The following UXS1 variants were observed in gnomAD, a reference collection of about 807,000 sequenced individuals.
UXS1 encodes UDP-glucuronate decarboxylase 1, also known as UDP-glucuronic acid decarboxylase 1.
A neutral mutation model predicts 62.6 loss-of-function variants in UXS1; 33 were observed. The ratio of observed to expected loss-of-function variants is 0.53; its 90% CI spans 0.40 to 0.70. The LOEUF is 0.70. Among genes scored for constraint, UXS1 ranks in the 30% least tolerant of loss-of-function variants. The pLI, the probability that UXS1 is intolerant of heterozygous loss-of-function variation, is 0.00. For synonymous variants in UXS1, 213 were observed against 206.8 expected, an observed-to-expected ratio of 1.03 and a Z score of -0.26; for missense variants, 434 against 556.3, an observed-to-expected ratio of 0.78 and a Z score of 2.21.
intron 1 of UXS1, among the ~76,000 whole-genome samples, chr2:106,176,497 G>C (rs1237471474): frequency 6.6e-6 from 1 of 152,182 alleles, no homozygotes. Context: ...AGGGGGCTTC[G>C]CAGTTGCTAG....
rs1682591755 is a variant in UXS1, at chr2:106,158,119, CTGT to C, written c.231-4_231-2del. 6.4e-7 allele frequency: 1 copy of C among 1,559,394 alleles called. No individual in the cohort carries two copies. Among genetic ancestry groups the C allele is most frequent in the Non-Finnish European group, 8.7e-7 (1 of 1,150,090 alleles). Reference sequence around the variant, plus strand: ...TACTGGTGGGTATTTCTGGGTAAAGCTGTATAATATAAAGAGATTCAAAAGGAA... The same window carrying C: ...TACTGGTGGGTATTTCTGGGTAAAGCATAATATAAAGAGATTCAAAAGGAA... On this transcript the variant is annotated splice_acceptor_variant and splice_polypyrimidine_tract_variant and intron_variant, in intron 4 of 14. Coordinates refer to ENST00000283148, the MANE Select transcript of UXS1 (RefSeq NM_001253875.2). LOFTEE classifies it high-confidence loss of function.
At chr2:106,118,049 G>A (rs1679200448) in intron 9 of UXS1, among the ~76,000 whole-genome samples, 1 of 152,192 alleles carries the variant, frequency 6.6e-6, no homozygotes, top group Non-Finnish European at 1.5e-5. Context: ...GCCAGGAGGG[G>A]TGGATATCAC....
intron 6 of UXS1, among the ~76,000 whole-genome samples, chr2:106,139,852 C>CA (rs1488276552): frequency 6.6e-5 from 10 of 152,298 alleles, no homozygotes; most frequent in Non-Finnish European, 4.4e-5. Flanking sequence ...TGTGATAACT[C>CA]ACGCGATTAT....
At chr2:106,109,574 T>C (rs1678410159) in intron 10 of UXS1, among the ~76,000 whole-genome samples, 1 of 152,240 alleles carries the variant, frequency 6.6e-6, no homozygotes, top group African/African-American at 2.4e-5. Context: ...AACTGAACTG[T>C]GGACCAAAGC....
chr2:106,179,698 G>C (rs976589186), intron 1 of UXS1: 6 of 152,202 alleles, frequency 3.9e-5, no homozygotes, highest in Non-Finnish European at 8.8e-5. Context: ...TTTTCCACTA[G>C]AAGTCCCCAC....
At chr2:106,120,306 A>C (rs1679418791) in intron 9 of UXS1, among the ~76,000 whole-genome samples, 1 of 152,120 alleles carries the variant, frequency 6.6e-6, no homozygotes. Context: ...TTCCTTCCTC[A>C]TCAGGAAACT....
At chr2:106,194,037 A>C in intron 1 of UXS1, 111 bp downstream of exon 1, 29 of 697,132 alleles carry the variant, frequency 4.2e-5, no homozygotes, top group Admixed American at 4.8e-5. Context: ...CGGGGCGGGG[A>C]GCAACGCGGG....
At position 106,093,920 on chromosome 2, in the gene UXS1, C is replaced by G. The variant is rs1336370863; in HGVS notation, c.*106G>C. The G allele has an allele frequency of 6.5e-6, 9 of 1,390,324 alleles. No homozygotes were observed. The highest frequency in any genetic ancestry group is 8.5e-6 in the Non-Finnish European group (9 of 1,057,368). The allele number at this position is 1,390,324 out of a possible 1,614,324, so 86.1% of individuals were successfully genotyped here. On this transcript the variant is annotated 3_prime_UTR_variant, in exon 15 of 15. Transcript: ENST00000283148. ...CTTCAGAATGAAATTCCAGTTTGTT[C>G]TTCATGACACCTGTTAAAGTCTTTC...
intron 10 of UXS1, among the ~76,000 whole-genome samples, chr2:106,109,155 T>C (rs1678365093): frequency 6.6e-6 from 1 of 152,020 alleles, no homozygotes; most frequent in South Asian, 2.1e-4. Flanking sequence ...CTGTGCTGTA[T>C]TTGGAGTTGA....
At chr2:106,136,965 C>CAAAAAAAAAAAAAAAAAAAAAAAA (rs397701050) in intron 6 of UXS1, among the ~76,000 whole-genome samples, 1 of 54,160 alleles carries the variant, frequency 1.8e-5, no homozygotes. Flanking sequence ...AGAACACACA[C>CAAAAAAAAAAAAAAAAAAAAAAAA]AAAAAAAAAA....
At position 106,147,961 on chromosome 2, in the gene UXS1, G is replaced by T. The variant is rs563085547; in HGVS notation, c.292-2591C>A. 1.1e-4 allele frequency among the ~76,000 whole-genome samples: 17 copies of T among 152,268 alleles called. No individual in the cohort carries two copies. In the East Asian group the frequency reaches 3.3e-3, roughly 29 times the overall value. On this transcript the variant is annotated intron_variant, in intron 5 of 14. Transcript: ENST00000283148. ...CAAATCAAATGGTTAAGACAGGATG[G>T]GTGAGACCAGGCATCCTCATGCTCG...
At chr2:106,123,688 C>CT (rs550750061) in intron 8 of UXS1, among the ~76,000 whole-genome samples, 189 of 152,302 alleles carry the variant, frequency 1.2e-3, no homozygotes, top group African/African-American at 4.1e-3. Flanking sequence ...ATCAATCACA[C>CT]TTTAAGACAT....
intron 1 of UXS1, among the ~76,000 whole-genome samples, chr2:106,170,819 A>G (rs972942967): frequency 2.0e-5 from 3 of 152,270 alleles, no homozygotes; most frequent in Admixed American, 6.5e-5. Flanking sequence ...GTTAAACATT[A>G]CTTTAAATTA....
At chr2:106,188,930 C>A (rs1443714861) in intron 1 of UXS1, among the ~76,000 whole-genome samples, 1 of 152,010 alleles carries the variant, frequency 6.6e-6, no homozygotes, top group Non-Finnish European at 1.5e-5. Flanking sequence ...AAAAAGTTCA[C>A]AGAACAAAAA....
chr2:106,096,671 C>T lies in UXS1; in HGVS notation c.1146+47G>A, dbSNP rs1677136474. On this transcript the variant is annotated intron_variant, in intron 14 of 14. Coordinates refer to ENST00000283148, the MANE Select transcript of UXS1 (RefSeq NM_001253875.2). ...TGCCTACAGGACAGCAGACACAGGACACGGGAGGCCCCTCCCCACAAGGCA... is the reference window on the plus strand; with the variant it reads ...TGCCTACAGGACAGCAGACACAGGATACGGGAGGCCCCTCCCCACAAGGCA... The T allele has an allele frequency of 3.3e-6, 5 of 1,495,688 alleles. No homozygotes were observed. In the African/African-American group the frequency reaches 7.0e-5, roughly 21 times the overall value. The allele number at this position is 1,495,688 out of a possible 1,614,324, so 92.7% of individuals were successfully genotyped here.
chr2:106,191,643 C>CA (rs1483396772), intron 1 of UXS1, among the ~76,000 whole-genome samples: 2 of 152,208 alleles, frequency 1.3e-5, no homozygotes, highest in Admixed American at 1.3e-4. Flanking sequence ...ATTTTGTTTT[C>CA]ACACTCCAAC....
intron 13 of UXS1, among the ~76,000 whole-genome samples, chr2:106,098,430 A>G (rs1433386132): frequency 2.0e-5 from 3 of 152,234 alleles, no homozygotes; most frequent in Non-Finnish European, 4.4e-5. Context: ...GTTGTCACCC[A>G]TGTAGGATGA....
At chr2:106,102,376 G>A (rs1325528416) in intron 11 of UXS1, 2 of 152,168 alleles carry the variant, frequency 1.3e-5, no homozygotes, top group Admixed American at 6.5e-5. Context: ...GGGTTTATCT[G>A]AGTTGGAAGA....
At chr2:106,103,183 A>C (rs1677736458) in intron 11 of UXS1, among the ~76,000 whole-genome samples, 2 of 152,272 alleles carry the variant, frequency 1.3e-5, no homozygotes, top group Non-Finnish European at 2.9e-5. Context: ...GCATCACTGA[A>C]TGCTCAAAAT....
Sources: allele counts gnomAD v4.1 joint callset (sites outside exome capture counted in the v4.1 genomes callset), GRCh38; gene constraint gnomAD v4.1.1; transcripts MANE v1.5; gene names NCBI Gene and HGNC (gene_info 2026-07-23, HGNC 2026-07-21).